Variants in CEMIP2 observed in about 807,000 individuals in gnomAD.
CEMIP2 encodes the protein cell surface hyaluronidase CEMIP2.
A neutral mutation model predicts 146.9 loss-of-function variants in CEMIP2; 79 were observed. That is an observed-to-expected ratio of 0.54 (90% confidence interval 0.45 to 0.65). The LOEUF is 0.65. Ranked by LOEUF, CEMIP2 falls within the 30% of genes least tolerant of loss-of-function variation. CEMIP2 has a pLI of 0.00. For synonymous variants in CEMIP2, 601 were observed against 606.3 expected, an observed-to-expected ratio of 0.99 and a Z score of 0.13; for missense variants, 1,596 against 1,696.2, an observed-to-expected ratio of 0.94 and a Z score of 1.04.
Position 71,750,078 on chromosome 9 carries a change from AT to A in CEMIP2, c.295del (p.Ile99SerfsTer3). 1 of 1,611,652 alleles carries A rather than the reference AT, an allele frequency of 6.2e-7. No individual in the cohort carries two copies. The highest frequency in any genetic ancestry group is 8.5e-7 in the Non-Finnish European group (1 of 1,178,682). ...ATATTTTGAGGATATTCCTAAAATG[AT>A]TGCAAGTGCAATAAAAAATGAGAAA... ...TSFSFFIALA[I>X]ILGISSKYAP... On this transcript the variant is annotated frameshift_variant, in exon 2 of 24. Coordinates refer to ENST00000377044, the MANE Select transcript of CEMIP2 (RefSeq NM_013390.3). LOFTEE classifies it high-confidence loss of function.
rs1824266249 is a variant in CEMIP2, at chr9:71,751,904, G to C, written c.-12-1519C>G. Among the ~76,000 whole-genome samples the C allele has an allele frequency of 2.0e-5, 3 of 152,144 alleles. No individual in the cohort carries two copies. In the East Asian group the frequency reaches 5.8e-4, roughly 29 times the overall value. ...TATAGATTGTGAATTCATTTAGTGA[G>C]AAAGTCTAAAGTCTATCTTATCTCT... On this transcript the variant is annotated intron_variant, in intron 1 of 23. Coordinates refer to ENST00000377044, the MANE Select transcript of CEMIP2 (RefSeq NM_013390.3).
Position 71,715,235 on chromosome 9 carries a change from T to C in CEMIP2, c.2436-146A>G, listed in dbSNP as rs1049977261. ...TACACATTCACAAGTCTTCAGAAAC[T>C]GCTTTTTTTTTTTTTTTTTTTTTTT... On this transcript the variant is annotated intron_variant, in intron 14 of 23. Coordinates refer to ENST00000377044, the MANE Select transcript of CEMIP2 (RefSeq NM_013390.3). 55 of 425,914 alleles carry C rather than the reference T, an allele frequency of 1.3e-4. No homozygotes were observed. In the African/African-American group the frequency reaches 1.3e-3, roughly 10 times the overall value. 26.4% of individuals were successfully genotyped at this position (425,914 alleles called of 1,614,324 possible).
chr9:71,730,937 C>G (rs746371348), intron 7 of CEMIP2, 23 bp from the exon 8 acceptor site: 5 of 1,600,008 alleles, frequency 3.1e-6, no homozygotes, highest in Non-Finnish European at 3.4e-6. Context: ...GTACTAAAAT[C>G]AAACTCATAC....
chr9:71,704,476 G>A, intron 18 of CEMIP2, 119 bp downstream of exon 18: 1 of 997,912 alleles, frequency 1.0e-6, no homozygotes, highest in Non-Finnish European at 1.5e-6. Flanking sequence ...CCCCACAAGA[G>A]AAGCAAAGTA....
chr9:71,747,818 C>T (rs1218884376), intron 2 of CEMIP2, among the ~76,000 whole-genome samples: 1 of 152,136 alleles, frequency 6.6e-6, no homozygotes, highest in East Asian at 1.9e-4. Context: ...CTCTTATTAA[C>T]CACAGCTACA....
At chr9:71,751,586 C>T (rs1252002966) in intron 1 of CEMIP2, among the ~76,000 whole-genome samples, 1 of 152,194 alleles carries the variant, frequency 6.6e-6, no homozygotes, top group Non-Finnish European at 1.5e-5. Context: ...ATCAGAGAAG[C>T]TTGCTAAAAA....
intron 1 of CEMIP2, among the ~76,000 whole-genome samples, chr9:71,757,264 G>A (rs1013635741): frequency 7.9e-5 from 12 of 152,252 alleles, no homozygotes; most frequent in African/African-American, 1.9e-4. Context: ...CTCAAATCAC[G>A]CCTAGGCTTT....
chr9:71,702,887 C>T (rs144530553), intron 18 of CEMIP2, among the ~76,000 whole-genome samples: 320 of 152,256 alleles, frequency 2.1e-3, no homozygotes, highest in South Asian at 0.011. Context: ...AAGGTATGCA[C>T]GGTACTTTAC....
Position 71,716,505 on chromosome 9 carries a change from G to A in CEMIP2, c.2435+12C>T, listed in dbSNP as rs1374282450. 2 of 1,575,380 alleles carry A rather than the reference G, an allele frequency of 1.3e-6. No individual in the cohort carries two copies. The highest frequency in any genetic ancestry group is 1.7e-6 in the Non-Finnish European group (2 of 1,159,646). On this transcript the variant is annotated intron_variant, in intron 14 of 23. Coordinates refer to ENST00000377044, the MANE Select transcript of CEMIP2 (RefSeq NM_013390.3). ...CTTTAAAATAAGTAAGTATTTTTAA[G>A]CAATTACAAACCTGGCAAAGGTCAG...
chr9:71,734,228 T>C (rs543784722), intron 6 of CEMIP2, among the ~76,000 whole-genome samples: 81 of 150,982 alleles, frequency 5.4e-4, no homozygotes, highest in African/African-American at 1.9e-3. Flanking sequence ...TTGTTTTTGG[T>C]AATCAAATAG....
chr9:71,724,121 C>A (rs746380741), intron 11 of CEMIP2, among the ~76,000 whole-genome samples: 1 of 151,910 alleles, frequency 6.6e-6, no homozygotes, highest in Non-Finnish European at 1.5e-5. Context: ...ATGGTGAAAC[C>A]CTGTCTCTAC....
intron 11 of CEMIP2, among the ~76,000 whole-genome samples, chr9:71,724,373 C>G (rs1382682399): frequency 6.6e-6 from 1 of 152,146 alleles, no homozygotes; most frequent in Non-Finnish European, 1.5e-5. Flanking sequence ...AGGATTTCTA[C>G]TATGAAATGC....
chr9:71,752,460 G>GGGAGA, intron 1 of CEMIP2, among the ~76,000 whole-genome samples: 1 of 102,980 alleles, frequency 9.7e-6, no homozygotes, highest in Admixed American at 9.9e-5. Context: ...TTTGCCAAGA[G>GGGAGA]GAAGGAAGGA....
At chr9:71,764,264 A>T (rs1166797553) in intron 1 of CEMIP2, among the ~76,000 whole-genome samples, 1 of 152,166 alleles carries the variant, frequency 6.6e-6, no homozygotes, top group Non-Finnish European at 1.5e-5. Context: ...CCCCACCATC[A>T]TGTGTAAGTA....
chr9:71,689,756 G>A (rs1227700257), intron 22 of CEMIP2, among the ~76,000 whole-genome samples: 1 of 152,132 alleles, frequency 6.6e-6, no homozygotes, highest in African/African-American at 2.4e-5. Flanking sequence ...AAAGTATAAT[G>A]CTCTGATATT....
intron 4 of CEMIP2, among the ~76,000 whole-genome samples, chr9:71,743,611 C>T (rs149034813): frequency 2.0e-4 from 31 of 152,232 alleles, no homozygotes; most frequent in East Asian, 1.2e-3. Context: ...TTAATACTCA[C>T]GCTCCCATTG....
chr9:71,726,419 C>T (rs1198773339), intron 10 of CEMIP2, among the ~76,000 whole-genome samples: 1 of 151,092 alleles, frequency 6.6e-6, no homozygotes, highest in Non-Finnish European at 1.5e-5. Flanking sequence ...TGAAGGACAA[C>T]TTCACTTTAT....
At chr9:71,763,597 T>C (rs543571749) in intron 1 of CEMIP2, among the ~76,000 whole-genome samples, 4 of 152,344 alleles carry the variant, frequency 2.6e-5, no homozygotes, top group African/African-American at 7.2e-5. Flanking sequence ...TTATCAAATA[T>C]TGAACTTTTA....
In CEMIP2 at chr9:71,704,770, A is replaced by G. The variant is rs768029292; in HGVS notation, c.3019T>C (p.Ser1007Pro). 1.2e-6 allele frequency: 2 copies of G among 1,614,070 alleles called. No individual in the cohort carries two copies. The highest frequency in any genetic ancestry group is 1.7e-6 in the Non-Finnish European group (2 of 1,180,024). Reference sequence around the variant, plus strand: ...TACTCATCTCGTGTAATGGTCATAGAAAGATTCTGAGTGCTCCATGTCTGT... The same window carrying G: ...TACTCATCTCGTGTAATGGTCATAGGAAGATTCTGAGTGCTCCATGTCTGT... Reference protein sequence around the residue: ...YVQTWSTQNLSMTITRDEYPS... With the variant: ...YVQTWSTQNLPMTITRDEYPS... The change falls in exon 18 of 24, where the codon TCT (serine) becomes CCT (proline). Residue 1007 changes from serine to proline, a missense_variant. Ser to Pro is a moderately conservative substitution (Grantham distance 74). Coordinates refer to ENST00000377044, the MANE Select transcript of CEMIP2 (RefSeq NM_013390.3).
Sources: allele counts gnomAD v4.1 joint callset (sites outside exome capture counted in the v4.1 genomes callset), GRCh38; gene constraint gnomAD v4.1.1; transcripts MANE v1.5; gene names NCBI Gene and HGNC (gene_info 2026-07-23, HGNC 2026-07-21).